Variants in TRPM3 observed in about 807,000 individuals in gnomAD.
The protein encoded by TRPM3 is long transient receptor potential channel 3.
Under a neutral mutation model 181.2 loss-of-function variants are expected in TRPM3, and 77 were observed. The observed-to-expected ratio is 0.42, with a 90% CI of 0.35 to 0.51. TRPM3 has a LOEUF of 0.51. TRPM3 is among the 20% of genes least tolerant of loss of function. The pLI, the probability that TRPM3 is intolerant of heterozygous loss-of-function variation, is 0.01. For missense variants in TRPM3, 1,759 were observed against 2,196.7 expected, an observed-to-expected ratio of 0.80 and a Z score of 3.98; for synonymous variants, 745 against 796.4, an observed-to-expected ratio of 0.94 and a Z score of 1.09.
At chr9:71,383,210 G>A (rs904241378) in intron 1 of TRPM3, among the ~76,000 whole-genome samples, 2 of 152,042 alleles carry the variant, frequency 1.3e-5, no homozygotes, top group African/African-American at 2.4e-5. Flanking sequence ...GCATATATAC[G>A]TGTATGTACA....
chr9:70,880,458 T>G (rs183258575), intron 1 of TRPM3, among the ~76,000 whole-genome samples: 29 of 152,212 alleles, frequency 1.9e-4, no homozygotes, highest in Admixed American at 1.8e-3. Flanking sequence ...TAAATGATGG[T>G]CCTTGCTAGC....
intron 1 of TRPM3, among the ~76,000 whole-genome samples, chr9:71,193,654 C>T (rs540184761): frequency 1.3e-5 from 2 of 152,008 alleles, no homozygotes; most frequent in Admixed American, 1.3e-4. Flanking sequence ...CTCTGTAAGT[C>T]CAAAACAAAA....
chr9:70,792,675 G>A (rs1487034476), intron 6 of TRPM3, among the ~76,000 whole-genome samples: 1 of 151,026 alleles, frequency 6.6e-6, no homozygotes, highest in Middle Eastern at 3.2e-3. Flanking sequence ...GAGAGAGAGA[G>A]AGAGAGAGAG....
chr9:71,374,025 A>G (rs1245105588), intron 1 of TRPM3, among the ~76,000 whole-genome samples: 3 of 152,238 alleles, frequency 2.0e-5, no homozygotes, highest in African/African-American at 7.2e-5. Context: ...AAAAAGCACG[A>G]TAATCTCTAC....
chr9:70,978,043 C>G (rs2097324237), intron 1 of TRPM3, among the ~76,000 whole-genome samples: 1 of 152,188 alleles, frequency 6.6e-6, no homozygotes, highest in African/African-American at 2.4e-5. Context: ...TCCCAACTCT[C>G]TAATCATGCC....
At chr9:71,337,950 G>A (rs145302022) in intron 1 of TRPM3, among the ~76,000 whole-genome samples, 2 of 152,232 alleles carry the variant, frequency 1.3e-5, no homozygotes, top group Admixed American at 6.5e-5. Flanking sequence ...GGGGCCAGGG[G>A]AGGGAGAGCA....
At chr9:71,126,476 G>C (rs1353555956), upstream of TRPM3, among the ~76,000 whole-genome samples, 1 of 151,930 alleles carries the variant, frequency 6.6e-6, no homozygotes, top group Admixed American at 6.6e-5. Flanking sequence ...GGCATTTTTT[G>C]ATGCTTATAC....
chr9:71,293,433 C>T (rs1228201324), intron 1 of TRPM3, among the ~76,000 whole-genome samples: 2 of 151,662 alleles, frequency 1.3e-5, no homozygotes, highest in Non-Finnish European at 1.5e-5. Context: ...TTAAATACAA[C>T]AAATTAGAAA....
At chr9:70,795,363 A>G (rs1248995721) in intron 6 of TRPM3, among the ~76,000 whole-genome samples, 2 of 152,216 alleles carry the variant, frequency 1.3e-5, no homozygotes, top group African/African-American at 2.4e-5. Context: ...ATGCTTATTT[A>G]TATCTATTAA....
chr9:70,555,138 T>G (rs1186038956), intron 22 of TRPM3, among the ~76,000 whole-genome samples: 1 of 152,202 alleles, frequency 6.6e-6, no homozygotes, highest in African/African-American at 2.4e-5. Context: ...TTCCTGATTT[T>G]GAGCCATGCT....
chr9:71,372,405 C>T (rs1367673645), intron 1 of TRPM3, among the ~76,000 whole-genome samples: 1 of 152,096 alleles, frequency 6.6e-6, no homozygotes, highest in African/African-American at 2.4e-5. Flanking sequence ...CAGGAATCAC[C>T]ACACTGTCTT....
At chr9:71,378,304 T>C (rs1024577742) in intron 1 of TRPM3, among the ~76,000 whole-genome samples, 1 of 152,076 alleles carries the variant, frequency 6.6e-6, no homozygotes, top group African/African-American at 2.4e-5. Context: ...AGACCAAAAA[T>C]ACCAAGAGTT....
At chr9:70,915,566 C>A (rs763096388) in intron 1 of TRPM3, among the ~76,000 whole-genome samples, 11 of 151,498 alleles carry the variant, frequency 7.3e-5, no homozygotes, top group East Asian at 2.0e-4. Context: ...TGGCCTCCCA[C>A]AGTGCTGGGA....
chr9:70,681,453 T>C (rs549509855), intron 9 of TRPM3, 53 bp downstream of exon 9: 2 of 1,432,254 alleles, frequency 1.4e-6, no homozygotes, highest in African/African-American at 2.8e-5. Context: ...ATAAGGTCAC[T>C]GTATTAATTC....
intron 1 of TRPM3, among the ~76,000 whole-genome samples, chr9:71,193,965 G>A (rs1400077220): frequency 6.6e-6 from 1 of 151,844 alleles, no homozygotes; most frequent in Admixed American, 6.6e-5. Flanking sequence ...GTTAGGTAAA[G>A]TTAAAATAAA....
At chr9:71,311,773 G>C (rs896160466) in intron 1 of TRPM3, among the ~76,000 whole-genome samples, 1 of 151,464 alleles carries the variant, frequency 6.6e-6, no homozygotes, top group Non-Finnish European at 1.5e-5. Flanking sequence ...ATATGCTAAT[G>C]ATAGCTGATG....
chr9:71,206,789 C>T (rs1265750182), intron 1 of TRPM3, among the ~76,000 whole-genome samples: 2 of 152,086 alleles, frequency 1.3e-5, no homozygotes, highest in Non-Finnish European at 2.9e-5. Flanking sequence ...GGTCCAGTTT[C>T]AGTTTTCTGC....
intron 1 of TRPM3, among the ~76,000 whole-genome samples, chr9:71,098,349 C>G (rs1456276251): frequency 6.6e-6 from 1 of 152,094 alleles, no homozygotes; most frequent in Non-Finnish European, 1.5e-5. Flanking sequence ...CATCTGTTAG[C>G]TGGAGACCAA....
intron 1 of TRPM3, among the ~76,000 whole-genome samples, chr9:70,960,192 A>G (rs2097123589): frequency 6.6e-6 from 1 of 151,858 alleles, no homozygotes. Context: ...AAGTGTCTGA[A>G]TCAAAACTTA....
Sources: allele counts gnomAD v4.1 joint callset (sites outside exome capture counted in the v4.1 genomes callset), GRCh38; gene constraint gnomAD v4.1.1; transcripts MANE v1.5; gene names NCBI Gene and HGNC (gene_info 2026-07-23, HGNC 2026-07-21).